TMEM17: variants seen among roughly 807,000 people sequenced by gnomAD.
The protein encoded by TMEM17 is transmembrane protein 17.
TMEM17 carries 15 observed loss-of-function variants against 19.1 expected under a neutral mutation model. The observed-to-expected ratio is 0.78, with a 90% CI of 0.52 to 1.21. The LOEUF is 1.21. Ranked by LOEUF, TMEM17 falls within the 50% of genes most tolerant of loss-of-function variation. The probability of loss-of-function intolerance (pLI) is 0.00; values close to 1 mark genes in which losing one functional copy is unlikely to be tolerated. For missense variants in TMEM17, 245 were observed against 242.3 expected, an observed-to-expected ratio of 1.01 and a Z score of -0.07; for synonymous variants, 103 against 86.9, an observed-to-expected ratio of 1.19 and a Z score of -1.03.
downstream of TMEM17, among the ~76,000 whole-genome samples, chr2:62,497,102 CA>C (rs1169099163): frequency 1.3e-5 from 2 of 152,204 alleles, no homozygotes; most frequent in Non-Finnish European, 2.9e-5. Context: ...TTTTAAAATA[CA>C]AATTATCTTT....
the TMEM17 span, among the ~76,000 whole-genome samples, chr2:62,486,131 G>A: frequency 6.6e-6 from 1 of 152,194 alleles, no homozygotes; most frequent in South Asian, 2.1e-4. Context: ...GGACGCTCCT[G>A]TGGAAGCTGA....
chr2:62,490,847 T>A, the TMEM17 span, among the ~76,000 whole-genome samples: 1 of 152,000 alleles, frequency 6.6e-6, no homozygotes, highest in South Asian at 2.1e-4. Context: ...GAGGCCAAGA[T>A]GGGCGGATCA....
the TMEM17 span, among the ~76,000 whole-genome samples, chr2:62,454,313 C>T: frequency 5.9e-5 from 9 of 152,272 alleles, no homozygotes; most frequent in Admixed American, 1.3e-4. Flanking sequence ...ATGCCTCCCT[C>T]GTGGAAAGCA....
At chr2:62,498,854 T>C (rs888904739), downstream of TMEM17, among the ~76,000 whole-genome samples, 1 of 152,158 alleles carries the variant, frequency 6.6e-6, no homozygotes, top group African/African-American at 2.4e-5. Flanking sequence ...CTTAGAAGGA[T>C]ATAATATAAA....
Position 62,501,247 on chromosome 2 carries a change from C to G in TMEM17, c.559G>C (p.Asp187His). Reference sequence around the variant, plus strand: ...ATACATGACCTCATCCTTCTCATGTCTCCTCTGTTTGCAGAGAGCCGGTCA... The same window carrying G: ...ATACATGACCTCATCCTTCTCATGTGTCCTCTGTTTGCAGAGAGCCGGTCA... ...DFDRLSANRG[D>H]MRRMRSCIEE... The change falls in exon 4 of 4, where the codon GAC (aspartate) becomes CAC (histidine). Residue 187 changes from aspartate to histidine, a missense_variant. Physicochemically the swap from Asp to His is moderately conservative, Grantham distance 81. Coordinates refer to ENST00000335390, the MANE Select transcript of TMEM17 (RefSeq NM_198276.3). The G allele has an allele frequency of 6.8e-6, 11 of 1,614,184 alleles. No individual in the cohort carries two copies. Among genetic ancestry groups the G allele is most frequent in the Non-Finnish European group, 9.3e-6 (11 of 1,180,036 alleles).
At chr2:62,495,001 C>T in the TMEM17 span, among the ~76,000 whole-genome samples, 6 of 152,018 alleles carry the variant, frequency 3.9e-5, no homozygotes, top group African/African-American at 1.2e-4. Flanking sequence ...GGTGACAGAG[C>T]GAGACTCCGT....
At chr2:62,461,044 A>T in the TMEM17 span, among the ~76,000 whole-genome samples, 7 of 152,328 alleles carry the variant, frequency 4.6e-5, no homozygotes, top group African/African-American at 1.4e-4. Flanking sequence ...CCAGTGAGAC[A>T]GACTGGGACC....
the TMEM17 span, among the ~76,000 whole-genome samples, chr2:62,492,659 A>G: frequency 2.1e-4 from 32 of 152,370 alleles, no homozygotes; most frequent in African/African-American, 7.7e-4. Context: ...TTCAGTCAAC[A>G]TTACTAAGTG....
chr2:62,502,349 C>T (rs1022981029), intron 3 of TMEM17, 88 bp downstream of exon 3: 1 of 852,972 alleles, frequency 1.2e-6, no homozygotes. Context: ...GGCCTGTGCT[C>T]TTTCTGCCAC....
At chr2:62,478,955 A>G in the TMEM17 span, among the ~76,000 whole-genome samples, 7 of 152,212 alleles carry the variant, frequency 4.6e-5, no homozygotes, top group Non-Finnish European at 8.8e-5. Flanking sequence ...AAATTGACAT[A>G]TAATGATTAT....
downstream of TMEM17, among the ~76,000 whole-genome samples, chr2:62,499,598 G>C (rs974142650): frequency 2.0e-5 from 3 of 152,158 alleles, no homozygotes; most frequent in Non-Finnish European, 4.4e-5. Context: ...AGTTTGGTCA[G>C]GAAGAATCAA....
the TMEM17 span, among the ~76,000 whole-genome samples, chr2:62,476,206 T>C: frequency 2.7e-5 from 4 of 149,220 alleles, no homozygotes; most frequent in African/African-American, 1.0e-4. Context: ...ATTTTCTATG[T>C]ATGTTGTTGC....
the TMEM17 span, among the ~76,000 whole-genome samples, chr2:62,468,372 C>A: frequency 6.6e-6 from 1 of 152,114 alleles, no homozygotes; most frequent in African/African-American, 2.4e-5. Flanking sequence ...TGGAAAAGAC[C>A]CTAAAAATTA....
the TMEM17 span, among the ~76,000 whole-genome samples, chr2:62,477,148 G>T: frequency 1.3e-5 from 2 of 152,192 alleles, no homozygotes; most frequent in African/African-American, 4.8e-5. Flanking sequence ...TGTAATCCCA[G>T]CACTTTGGGA....
At chr2:62,466,062 C>G in the TMEM17 span, among the ~76,000 whole-genome samples, 65 of 152,000 alleles carry the variant, frequency 4.3e-4, no homozygotes, top group Non-Finnish European at 7.4e-5. Context: ...TCAGAAAGGC[C>G]CAAATCAGGA....
the TMEM17 span, among the ~76,000 whole-genome samples, chr2:62,476,047 G>A: frequency 1.3e-5 from 2 of 152,178 alleles, no homozygotes; most frequent in Admixed American, 6.5e-5. Flanking sequence ...CACTGCCTGC[G>A]TGCCCAGCAA....
rs1285139353 is a variant in TMEM17 at position 62,502,564 on chromosome 2, C to T, written c.205-14G>A. On this transcript the variant is annotated splice_polypyrimidine_tract_variant and intron_variant, in intron 2 of 3. Transcript: ENST00000335390. ...TAAGATTGAATACTAAAAGAAAAGC[C>T]AAAACATGTTTGTAAAATCTCATGT... 3.2e-6 allele frequency: 5 copies of T among 1,544,842 alleles called. No individual in the cohort carries two copies. The African/African-American group carries it at 6.9e-5, about 21-fold the overall frequency.
At chr2:62,498,010 G>C (rs1390717377), downstream of TMEM17, among the ~76,000 whole-genome samples, 3 of 152,194 alleles carry the variant, frequency 2.0e-5, no homozygotes, top group African/African-American at 7.2e-5. Context: ...AGCATGTCTT[G>C]TCTATGAACC....
chr2:62,490,509 C>T, the TMEM17 span, among the ~76,000 whole-genome samples: 2 of 152,108 alleles, frequency 1.3e-5, no homozygotes, highest in Non-Finnish European at 2.9e-5. Context: ...GAGATCCTTT[C>T]ACTTTGGCCT....
Sources: gnomAD v4.1 joint callset for allele counts (sites outside exome capture counted in the v4.1 genomes callset) on GRCh38, gnomAD v4.1.1 for gene constraint, MANE v1.5 for transcripts, NCBI Gene and HGNC (gene_info 2026-07-23, HGNC 2026-07-21) for gene names.